MCTP2: variants seen among roughly 807,000 people sequenced by gnomAD.
The protein encoded by MCTP2 is multiple C2 and transmembrane domain-containing protein 2.
Under a neutral mutation model 111.6 loss-of-function variants are expected in MCTP2, and 132 were observed. The ratio of observed to expected loss-of-function variants is 1.18; its 90% CI spans 1.03 to 1.37. The LOEUF is 1.37. Ranked by LOEUF, MCTP2 falls within the 40% of genes most tolerant of loss-of-function variation. MCTP2 has a pLI of 0.00. For synonymous variants in MCTP2, 395 were observed against 387.7 expected (o/e 1.02, Z -0.22); for missense variants, 1,183 against 1,067.9 (o/e 1.11, Z -1.50).
intron 9 of MCTP2, among the ~76,000 whole-genome samples, chr15:94,357,092 G>A (rs1418280321): frequency 6.6e-6 from 1 of 152,086 alleles, no homozygotes; most frequent in Non-Finnish European, 1.5e-5. Context: ...ATATAACCGA[G>A]GATATTTCTA....
Position 94,298,375 on chromosome 15 carries a change from A to T in MCTP2, c.110A>T (p.Asp37Val), listed in dbSNP as rs773889654. The change falls in exon 2 of 23, where the codon GAT becomes GTT. Residue 37 changes from aspartate (D) to valine (V), a missense_variant. By Grantham distance (152) the Asp-to-Val change is radical. Transcript: ENST00000357742. ...AAAAAGAACCCAAGTAAGCCCCCAG[A>T]TCTACGGGCAAGGCATCACTTGGAC... The part of the protein sequence containing the change: ...KVKKNPSKPP[D>V]LRARHHLDRR... The T allele has an allele frequency of 1.9e-6, 3 of 1,614,104 alleles. No individual in the cohort carries two copies. Among genetic ancestry groups the T allele is most frequent in the Non-Finnish European group, 2.5e-6 (3 of 1,180,006 alleles).
At chr15:94,356,504 T>G in intron 9 of MCTP2, among the ~76,000 whole-genome samples, 1 of 152,160 alleles carries the variant, frequency 6.6e-6, no homozygotes, top group Non-Finnish European at 1.5e-5. Flanking sequence ...ACAGTTTAAT[T>G]TAGTAACTCA....
chr15:94,399,104 A>G (rs777858066), intron 15 of MCTP2, 42 bp downstream of exon 15: 122 of 1,023,750 alleles, frequency 1.2e-4, no homozygotes, highest in Middle Eastern at 8.3e-4. Flanking sequence ...TCCCGTACCT[A>G]AAATAGAAGG....
At chr15:94,414,114 T>A (rs2082270384) in intron 17 of MCTP2, among the ~76,000 whole-genome samples, 1 of 152,214 alleles carries the variant, frequency 6.6e-6, no homozygotes, top group African/African-American at 2.4e-5. Context: ...AGGCTTTAGA[T>A]GTTGAGTGTC....
intron 1 of MCTP2, among the ~76,000 whole-genome samples, chr15:94,297,082 T>C (rs1056263755): frequency 6.6e-6 from 1 of 152,204 alleles, no homozygotes; most frequent in African/African-American, 2.4e-5. Flanking sequence ...TTGGCCTCTT[T>C]TGGCCTCAGC....
At chr15:94,308,507 A>G (rs548191356) in intron 2 of MCTP2, among the ~76,000 whole-genome samples, 43 of 152,318 alleles carry the variant, frequency 2.8e-4, no homozygotes, top group African/African-American at 9.9e-4. Flanking sequence ...CTCTTTGCCA[A>G]TTGGGGAGAC....
At position 94,480,378 on chromosome 15, in the gene MCTP2, G is replaced by A. The variant is rs1044075705; in HGVS notation, c.*1344G>A. On this transcript the variant is annotated 3_prime_UTR_variant, in exon 23 of 23. Coordinates refer to ENST00000357742, the MANE Select transcript of MCTP2 (RefSeq NM_001385001.1). The stretch of plus-strand genomic sequence containing the variant: ...AATAATCTTCAAACAAAATGTTTAC[G>A]AAAAATGCCAAAGATTCTAAATCTT... 1 of 150,678 alleles carries A rather than the reference G, an allele frequency of 6.6e-6. No individual in the cohort carries two copies. The highest frequency in any genetic ancestry group is 6.6e-5 in the Admixed American group (1 of 15,134). The allele number at this position is 150,678 out of a possible 1,614,324, so 9.3% of individuals were successfully genotyped here.
chr15:94,458,481 A>T (rs1366126053), intron 20 of MCTP2, among the ~76,000 whole-genome samples: 1 of 152,184 alleles, frequency 6.6e-6, no homozygotes, highest in East Asian at 1.9e-4. Flanking sequence ...CCCAACATAA[A>T]TATTACTAGT....
At chr15:94,458,653 A>G (rs912716994) in intron 20 of MCTP2, among the ~76,000 whole-genome samples, 7 of 152,212 alleles carry the variant, frequency 4.6e-5, no homozygotes, top group South Asian at 2.1e-4. Flanking sequence ...TTTCTCTCCA[A>G]TTCTCCAAAG....
chr15:94,402,864 G>A, intron 17 of MCTP2: 1 of 1,189,916 alleles, frequency 8.4e-7, no homozygotes, highest in Non-Finnish European at 1.0e-6. Context: ...CTAAGAGTGT[G>A]AATATCAGTC....
chr15:94,407,084 T>C (rs1430902383), intron 17 of MCTP2, among the ~76,000 whole-genome samples: 4 of 152,170 alleles, frequency 2.6e-5, no homozygotes, highest in African/African-American at 9.7e-5. Context: ...TAACTTTGCA[T>C]TGTGATATTT....
At chr15:94,304,681 G>C (rs2075800908) in intron 2 of MCTP2, among the ~76,000 whole-genome samples, 1 of 152,184 alleles carries the variant, frequency 6.6e-6, no homozygotes, top group African/African-American at 2.4e-5. Flanking sequence ...GCACACTGCA[G>C]GGAGAATGCA....
intron 2 of MCTP2, among the ~76,000 whole-genome samples, chr15:94,309,763 G>A (rs2076044042): frequency 6.6e-6 from 1 of 151,964 alleles, no homozygotes; most frequent in African/African-American, 2.4e-5. Flanking sequence ...ACATCTAAAG[G>A]GAATGCAAAG....
intron 21 of MCTP2, chr15:94,476,347 A>C (rs746122547): frequency 2.3e-5 from 4 of 171,166 alleles, no homozygotes; most frequent in Admixed American, 6.3e-5. Context: ...CCCCAGTTTG[A>C]GCGTGTGTTT....
chr15:94,469,922 G>A (rs1483177747), intron 20 of MCTP2, among the ~76,000 whole-genome samples: 1 of 152,008 alleles, frequency 6.6e-6, no homozygotes, highest in Non-Finnish European at 1.5e-5. Flanking sequence ...GTAAAGGAAA[G>A]GTTACCATAA....
At chr15:94,318,308 G>C (rs1189936688) in intron 4 of MCTP2, among the ~76,000 whole-genome samples, 1 of 147,202 alleles carries the variant, frequency 6.8e-6, no homozygotes, top group Non-Finnish European at 1.5e-5. Context: ...TTTTGAGACG[G>C]AGTCTAGCTC....
At chr15:94,400,799 G>A (rs900361282) in intron 16 of MCTP2, among the ~76,000 whole-genome samples, 3 of 152,014 alleles carry the variant, frequency 2.0e-5, no homozygotes, top group African/African-American at 7.2e-5. Context: ...ATTACATAAA[G>A]CAGTTAAATA....
chr15:94,463,867 G>C (rs2085361348), intron 20 of MCTP2, among the ~76,000 whole-genome samples: 1 of 151,976 alleles, frequency 6.6e-6, no homozygotes, highest in Non-Finnish European at 1.5e-5. Context: ...GGTTTATGTG[G>C]CGAATTATTT....
intron 20 of MCTP2, among the ~76,000 whole-genome samples, chr15:94,461,429 C>T (rs907063546): frequency 1.3e-5 from 2 of 152,208 alleles, no homozygotes; most frequent in Admixed American, 1.3e-4. Context: ...CACCACACTA[C>T]AGCCTGGGCA....
Sources: allele counts gnomAD v4.1 joint callset (sites outside exome capture counted in the v4.1 genomes callset), GRCh38; gene constraint gnomAD v4.1.1; transcripts MANE v1.5; gene names NCBI Gene and HGNC (gene_info 2026-07-23, HGNC 2026-07-21).